Variants in BTRC observed in about 807,000 individuals in gnomAD.
The protein encoded by BTRC is beta-transducin repeat containing E3 ubiquitin protein ligase.
BTRC carries 42 observed loss-of-function variants against 85.5 expected under a neutral mutation model. The observed-to-expected ratio is 0.49, with a 90% CI of 0.38 to 0.64. BTRC has a LOEUF of 0.64. Ranked by LOEUF, BTRC falls within the 30% of genes least tolerant of loss-of-function variation. BTRC has a pLI of 0.00. For missense variants in BTRC, 594 were observed against 743.5 expected, an observed-to-expected ratio of 0.80 and a Z score of 2.34; for synonymous variants, 255 against 263.3, an observed-to-expected ratio of 0.97 and a Z score of 0.30.
Position 101,453,970 on chromosome 10 carries a change from A to G in BTRC, c.157-8011A>G, listed in dbSNP as rs114699620. Among the ~76,000 whole-genome samples the G allele has an allele frequency of 8.8e-3, 1,344 of 152,316 alleles. 24 individuals carry two copies. Among genetic ancestry groups the G allele is most frequent in the African/African-American group, 0.03 (1,264 of 41,562 alleles). On this transcript the variant is annotated intron_variant, in intron 2 of 14. Coordinates refer to ENST00000370187, the MANE Select transcript of BTRC (RefSeq NM_033637.4). ...AAATCGTAAATGGATGGGCATGGCT[A>G]TGGGCCAGTTAAACTTTATTTGCAA...
chr10:101,492,159 A>G (rs965133329), intron 4 of BTRC, among the ~76,000 whole-genome samples: 2 of 152,228 alleles, frequency 1.3e-5, no homozygotes, highest in Non-Finnish European at 2.9e-5. Flanking sequence ...TTTATGTTTT[A>G]TACCTCAAAC....
chr10:101,534,965 A>G, intron 10 of BTRC, 55 bp downstream of exon 10: 1 of 1,572,338 alleles, frequency 6.4e-7, no homozygotes, highest in South Asian at 1.1e-5. Context: ...ATTCATATGA[A>G]AATTTGATCA....
chr10:101,542,522 C>A (rs1404629775), intron 13 of BTRC, among the ~76,000 whole-genome samples: 1 of 152,116 alleles, frequency 6.6e-6, no homozygotes, highest in Non-Finnish European at 1.5e-5. Flanking sequence ...TTATGTCTCC[C>A]ACTATAGTTT....
intron 4 of BTRC, among the ~76,000 whole-genome samples, chr10:101,509,745 A>G (rs1305950289): frequency 1.7e-5 from 2 of 120,334 alleles, no homozygotes; most frequent in Non-Finnish European, 3.2e-5. Context: ...TTTTTTTGGT[A>G]GAGATGGAGT....
intron 1 of BTRC, among the ~76,000 whole-genome samples, chr10:101,406,724 G>A (rs1010791724): frequency 6.7e-6 from 1 of 149,956 alleles, no homozygotes; most frequent in African/African-American, 2.5e-5. Flanking sequence ...AATATAGACA[G>A]GGTTTTGCCA....
chr10:101,479,640 CA>C (rs1445575606), intron 4 of BTRC, among the ~76,000 whole-genome samples, 183 bp downstream of exon 4: 1 of 152,206 alleles, frequency 6.6e-6, no homozygotes, highest in Non-Finnish European at 1.5e-5. Context: ...TTAATTGCAA[CA>C]GAATGTTTTG....
chr10:101,378,520 A>AT lies in BTRC; in HGVS notation c.48+24314dup, dbSNP rs368968037. Among the ~76,000 whole-genome samples the AT allele has an allele frequency of 4.5e-3, 436 of 97,016 alleles. 8 individuals carry two copies. Among genetic ancestry groups the AT allele is most frequent in the East Asian group, 0.013 (51 of 3,840 alleles). The allele number at this position is 97,016 out of a possible 152,430, so 63.6% of individuals were successfully genotyped here. The stretch of plus-strand genomic sequence containing the variant: ...GTTAGGAAATAGGCTCCCAATTATA[A>AT]TTTTTTTTTTTTTTTTTTTTTTGAG... On this transcript the variant is annotated intron_variant, in intron 1 of 14. Transcript: ENST00000370187.
intron 14 of BTRC, among the ~76,000 whole-genome samples, chr10:101,551,756 T>C (rs3127239): frequency 0.85 from 129,811 of 152,212 alleles, 55,735 homozygotes; most frequent in African/African-American, 0.96. Context: ...GTCCTCAGCT[T>C]CTCTTTCTCT....
At chr10:101,484,949 A>G (rs1945943582) in intron 4 of BTRC, among the ~76,000 whole-genome samples, 3 of 152,238 alleles carry the variant, frequency 2.0e-5, no homozygotes, top group Admixed American at 2.0e-4. Flanking sequence ...CTTATAGACA[A>G]GAGTTTGTGT....
chr10:101,358,377 A>G (rs978560555), intron 1 of BTRC, among the ~76,000 whole-genome samples: 4 of 152,150 alleles, frequency 2.6e-5, no homozygotes, highest in African/African-American at 4.8e-5. Flanking sequence ...TGTTGGGATT[A>G]CAGGCGTGAG....
At chr10:101,506,156 C>T (rs1368035664) in intron 4 of BTRC, among the ~76,000 whole-genome samples, 1 of 152,100 alleles carries the variant, frequency 6.6e-6, no homozygotes, top group Non-Finnish European at 1.5e-5. Context: ...TCAGGTGATC[C>T]GCCGCCTCAG....
chr10:101,524,436 C>T (rs1564825182), intron 5 of BTRC, among the ~76,000 whole-genome samples: 1 of 152,136 alleles, frequency 6.6e-6, no homozygotes, highest in Non-Finnish European at 1.5e-5. Context: ...ATCCACTGAC[C>T]ACTCTATGAG....
At chr10:101,511,623 T>G (rs2061955880) in intron 4 of BTRC, among the ~76,000 whole-genome samples, 1 of 152,134 alleles carries the variant, frequency 6.6e-6, no homozygotes, top group African/African-American at 2.4e-5. Flanking sequence ...GTGGGCAATC[T>G]CAGGTCACTG....
chr10:101,361,478 A>G (rs1330684541), intron 1 of BTRC, among the ~76,000 whole-genome samples: 3 of 152,260 alleles, frequency 2.0e-5, no homozygotes. Flanking sequence ...ATGAAATAGA[A>G]AATATTTACC....
At chr10:101,498,037 A>G (rs1053831322) in intron 4 of BTRC, among the ~76,000 whole-genome samples, 24 of 152,140 alleles carry the variant, frequency 1.6e-4, no homozygotes, top group African/African-American at 5.8e-4. Flanking sequence ...TTAATTAATT[A>G]AAGTTGAGAT....
At chr10:101,421,607 C>A (rs1426248670) in intron 1 of BTRC, among the ~76,000 whole-genome samples, 1 of 91,472 alleles carries the variant, frequency 1.1e-5, no homozygotes, top group African/African-American at 4.2e-5. Context: ...CTAATGCTAT[C>A]CCTCCCCCCT....
At chr10:101,425,961 G>T (rs1944240721) in intron 1 of BTRC, among the ~76,000 whole-genome samples, 1 of 152,088 alleles carries the variant, frequency 6.6e-6, no homozygotes, top group Non-Finnish European at 1.5e-5. Flanking sequence ...ATTTTAAAGG[G>T]CATTATTTAT....
In BTRC at chr10:101,532,444, T is replaced by G. The variant is rs1308437041; in HGVS notation, c.978+12T>G. On this transcript the variant is annotated intron_variant, in intron 8 of 14. Coordinates refer to ENST00000370187, the MANE Select transcript of BTRC (RefSeq NM_033637.4). ...ACAACACAATCAAGGTGAGGTCTAT[T>G]CAGTTGTAGAAAGGTAGCAGAGGGA... 6.2e-7 allele frequency: 1 copy of G among 1,601,124 alleles called. No homozygotes were observed.
intron 2 of BTRC, among the ~76,000 whole-genome samples, chr10:101,434,153 A>G (rs748617811): frequency 2.6e-5 from 4 of 152,082 alleles, no homozygotes; most frequent in Non-Finnish European, 4.4e-5. Flanking sequence ...CACTCAATCT[A>G]TTGTGGTTTG....
Sources: allele counts gnomAD v4.1 joint callset (sites outside exome capture counted in the v4.1 genomes callset), GRCh38; gene constraint gnomAD v4.1.1; transcripts MANE v1.5; gene names NCBI Gene and HGNC (gene_info 2026-07-23, HGNC 2026-07-21).